JAZF1: variants seen among roughly 807,000 people sequenced by gnomAD.
The protein encoded by JAZF1 is juxtaposed with another zinc finger protein 1.
A neutral mutation model predicts 26.4 loss-of-function variants in JAZF1; 8 were observed. The ratio of observed to expected loss-of-function variants is 0.30; its 90% CI spans 0.18 to 0.55. The LOEUF is 0.55. Ranked by LOEUF, JAZF1 falls within the 20% of genes least tolerant of loss-of-function variation. JAZF1 has a pLI of 0.94. For synonymous variants in JAZF1, 126 were observed against 122.3 expected (o/e 1.03, Z -0.20); for missense variants, 199 against 322.0 (o/e 0.62, Z 2.92).
chr7:28,106,774 T>C (rs1784559184), intron 1 of JAZF1, among the ~76,000 whole-genome samples: 2 of 152,218 alleles, frequency 1.3e-5, no homozygotes, highest in Admixed American at 1.3e-4. Flanking sequence ...TCCTTTCAGC[T>C]GTGAGCACCA....
At chr7:27,938,340 A>C (rs907909261) in intron 2 of JAZF1, among the ~76,000 whole-genome samples, 7 of 152,186 alleles carry the variant, frequency 4.6e-5, no homozygotes, top group African/African-American at 1.7e-4. Context: ...CCTGGGAAAA[A>C]CAAAACAACA....
At chr7:28,025,766 G>C (rs1432202370) in intron 1 of JAZF1, among the ~76,000 whole-genome samples, 3 of 152,176 alleles carry the variant, frequency 2.0e-5, no homozygotes, top group Non-Finnish European at 4.4e-5. Context: ...ACTGATGTGA[G>C]ATGGAAAAAT....
At chr7:27,846,016 G>A (rs968196001) in intron 3 of JAZF1, among the ~76,000 whole-genome samples, 1 of 152,020 alleles carries the variant, frequency 6.6e-6, no homozygotes, top group African/African-American at 2.4e-5. Flanking sequence ...ATACGTTCCT[G>A]CTTGGGGGTC....
intron 2 of JAZF1, among the ~76,000 whole-genome samples, chr7:27,925,646 C>T (rs553254985): frequency 6.6e-6 from 1 of 152,260 alleles, no homozygotes; most frequent in African/African-American, 2.4e-5. Context: ...AGCCTGGTCT[C>T]GAACTCCCAG....
intron 2 of JAZF1, among the ~76,000 whole-genome samples, chr7:27,910,280 G>C (rs1784339916): frequency 6.6e-6 from 1 of 152,146 alleles, no homozygotes; most frequent in South Asian, 2.1e-4. Flanking sequence ...AGCTCTCCTA[G>C]CCACCTTTCC....
intron 1 of JAZF1, among the ~76,000 whole-genome samples, chr7:28,117,389 T>G (rs1359859385): frequency 6.6e-6 from 1 of 152,190 alleles, no homozygotes; most frequent in Non-Finnish European, 1.5e-5. Context: ...AAAATATCAT[T>G]TTTCACTTTT....
intron 2 of JAZF1, among the ~76,000 whole-genome samples, chr7:27,983,221 T>C (rs1583492268): frequency 6.6e-6 from 1 of 152,280 alleles, no homozygotes; most frequent in South Asian, 2.1e-4. Context: ...GACTAATGGC[T>C]AACTAGAATA....
In JAZF1 at chr7:27,840,975, G is replaced by A. The variant is rs749292313; in HGVS notation, c.386-108C>T. On this transcript the variant is annotated intron_variant, in intron 3 of 4. Coordinates refer to ENST00000283928, the MANE Select transcript of JAZF1 (RefSeq NM_175061.4). This position sits in a 1 kb window ranked among gnomAD's most constrained non-coding sequence, Gnocchi z 5.1. ...GTGGCCGTGGCAGAGCAGCGCTGAC[G>A]GCCCAGGGAGAGGGCACTCCCGGCA... The A allele has an allele frequency of 8.5e-6, 10 of 1,174,662 alleles. No homozygotes were observed. Among genetic ancestry groups the A allele is most frequent in the Admixed American group, 2.2e-5 (1 of 46,406 alleles). 72.8% of individuals were successfully genotyped at this position (1,174,662 alleles called of 1,614,324 possible). A position where few individuals can be genotyped will look rare whatever the true frequency, so the allele number is the denominator to read the frequency against.
At chr7:28,095,932 C>G (rs1331720578) in intron 1 of JAZF1, among the ~76,000 whole-genome samples, 1 of 152,208 alleles carries the variant, frequency 6.6e-6, no homozygotes, top group Non-Finnish European at 1.5e-5. Flanking sequence ...ACGGAGAGCT[C>G]TGGTGCTCCT....
chr7:28,141,649 T>C (rs574896551), intron 1 of JAZF1, among the ~76,000 whole-genome samples: 9 of 152,310 alleles, frequency 5.9e-5, no homozygotes, highest in East Asian at 3.9e-4. Context: ...CAAATGTTCA[T>C]ATACAGTAAG....
chr7:27,837,631 G>C (rs1054576086), intron 4 of JAZF1, among the ~76,000 whole-genome samples: 16 of 152,200 alleles, frequency 1.1e-4, no homozygotes, highest in Admixed American at 9.8e-4. Context: ...AAGTCTGGGA[G>C]GTTGGTGAGG....
chr7:28,153,743 A>G (rs1783141429), intron 1 of JAZF1, among the ~76,000 whole-genome samples: 1 of 152,170 alleles, frequency 6.6e-6, no homozygotes, highest in East Asian at 1.9e-4. Context: ...GCCTTTCTAC[A>G]GAGACTTATT....
At chr7:27,901,776 T>C (rs1463197354) in intron 2 of JAZF1, among the ~76,000 whole-genome samples, 4 of 152,224 alleles carry the variant, frequency 2.6e-5, no homozygotes, top group African/African-American at 9.6e-5. Context: ...TTCACTTTTG[T>C]GGTCCTAGTT....
At chr7:27,856,218 C>G (rs1783247582) in intron 3 of JAZF1, among the ~76,000 whole-genome samples, 1 of 152,106 alleles carries the variant, frequency 6.6e-6, no homozygotes, top group South Asian at 2.1e-4. Context: ...CTCGCTGGCT[C>G]AGGAGTGAAG....
At chr7:27,932,156 G>C (rs1351800994) in intron 2 of JAZF1, among the ~76,000 whole-genome samples, 1 of 152,180 alleles carries the variant, frequency 6.6e-6, no homozygotes, top group Non-Finnish European at 1.5e-5. Flanking sequence ...TGGAGAGTGA[G>C]AAAGGAAAGA....
At chr7:27,866,679 G>A (rs188338248) in intron 3 of JAZF1, among the ~76,000 whole-genome samples, 40 of 152,284 alleles carry the variant, frequency 2.6e-4, no homozygotes, top group Admixed American at 2.2e-3. Context: ...AATCTAATTC[G>A]AATTATCTGC....
At chr7:27,867,133 AG>A (rs1444803957) in intron 3 of JAZF1, among the ~76,000 whole-genome samples, 1 of 152,190 alleles carries the variant, frequency 6.6e-6, no homozygotes, top group Admixed American at 6.5e-5. Flanking sequence ...ATATTTATAG[AG>A]GGTACACCTA....
intron 1 of JAZF1, among the ~76,000 whole-genome samples, chr7:28,011,509 A>T (rs928813926): frequency 6.6e-6 from 1 of 152,332 alleles, no homozygotes; most frequent in South Asian, 2.1e-4. Flanking sequence ...ACAAGTGAGG[A>T]GGAAGAAAGG....
At chr7:28,147,545 T>C (rs988149988) in intron 1 of JAZF1, among the ~76,000 whole-genome samples, 16 of 151,148 alleles carry the variant, frequency 1.1e-4, no homozygotes, top group South Asian at 2.1e-4. Context: ...ATCTGGAAAA[T>C]AGAGAAAAGA....
Sources: gnomAD v4.1 joint callset for allele counts (sites outside exome capture counted in the v4.1 genomes callset) on GRCh38, gnomAD v4.1.1 for gene constraint, Gnocchi (gnomAD v3.1) non-coding constraint, MANE v1.5 for transcripts, NCBI Gene and HGNC (gene_info 2026-07-23, HGNC 2026-07-21) for gene names.